LEPR: variants seen among roughly 807,000 people sequenced by gnomAD.
LEPR encodes the protein leptin receptor, also known as OB receptor.
LEPR carries 56 observed loss-of-function variants against 114.7 expected under a neutral mutation model. That is an observed-to-expected ratio of 0.49 (90% CI 0.39 to 0.61). LEPR has a LOEUF of 0.61. Ranked by LOEUF, LEPR falls within the 20% of genes least tolerant of loss-of-function variation. The pLI is 0.00. For synonymous variants in LEPR, 443 were observed against 461.4 expected (o/e 0.96, Z 0.51); for missense variants, 1,202 against 1,352.9 (o/e 0.89, Z 1.75).
intron 19 of LEPR, chr1:65,635,349 C>G: frequency 2.0e-6 from 2 of 984,324 alleles, no homozygotes; most frequent in Non-Finnish European, 2.4e-6. Flanking sequence ...GAGCTTTTTG[C>G]CCACAGATTC....
chr1:65,488,226 C>CTCTT lies in LEPR; in HGVS notation c.-21+62878_-21+62881dup, dbSNP rs71577203. Among the ~76,000 whole-genome samples, 141 of 67,910 alleles carry CTCTT rather than the reference C, an allele frequency of 2.1e-3. 12 individuals are homozygous for CTCTT. The highest frequency in any genetic ancestry group is 9.3e-3 in the African/African-American group (106 of 11,418). 44.6% of individuals were successfully genotyped at this position (67,910 alleles called of 152,430 possible). Reference sequence around the variant, plus strand: ...TTTCTTTCTTTCTCTCTCTCTCTCTCTCTTTCTTTCTTTCTTTCTTTCTTT... The same window carrying CTCTT: ...TTTCTTTCTTTCTCTCTCTCTCTCTCTCTTTCTTTCTTTCTTTCTTTCTTTCTTT... On this transcript the variant is annotated intron_variant, in intron 2 of 19. Coordinates refer to ENST00000349533, the MANE Select transcript of LEPR (RefSeq NM_002303.6).
chr1:65,434,098 C>G, intron 2 of LEPR: 1 of 984,878 alleles, frequency 1.0e-6, no homozygotes, highest in Non-Finnish European at 1.2e-6. Context: ...AGCATTACCT[C>G]TTGATTGTAT....
At chr1:65,603,004 C>A (rs552058573) in intron 10 of LEPR, among the ~76,000 whole-genome samples, 1 of 152,188 alleles carries the variant, frequency 6.6e-6, no homozygotes, top group African/African-American at 2.4e-5. Flanking sequence ...TGTTAAGCCC[C>A]ATGCCTTGTT....
intron 14 of LEPR, among the ~76,000 whole-genome samples, chr1:65,611,230 A>G (rs1413927298): frequency 2.0e-5 from 3 of 152,172 alleles, no homozygotes; most frequent in South Asian, 4.2e-4. Context: ...ACATTTTAAT[A>G]TTTCCAACTT....
intron 2 of LEPR, among the ~76,000 whole-genome samples, chr1:65,540,116 G>A (rs1193026782): frequency 6.6e-6 from 1 of 152,112 alleles, no homozygotes; most frequent in Non-Finnish European, 1.5e-5. Flanking sequence ...AATTACATAC[G>A]CAGATATTAC....
Position 65,583,242 on chromosome 1 carries a change from A to G in LEPR, c.495-9415A>G, listed in dbSNP as rs1013450328. Among the ~76,000 whole-genome samples, 23 of 152,298 alleles carry G rather than the reference A, an allele frequency of 1.5e-4. No homozygotes were observed. The East Asian group carries it at 4.2e-3, about 28-fold the overall frequency. ...AGAGTTCAGAGAGGGTAAGGGGCTC[A>G]AGTTCATGGGGCAGAGTACTTTGAA... On this transcript the variant is annotated intron_variant, in intron 5 of 19. Coordinates refer to ENST00000349533, the MANE Select transcript of LEPR (RefSeq NM_002303.6).
At chr1:65,616,759 C>T (rs545627812) in intron 15 of LEPR, among the ~76,000 whole-genome samples, 11 of 152,070 alleles carry the variant, frequency 7.2e-5, no homozygotes, top group East Asian at 3.9e-4. Context: ...TCTGATTAAT[C>T]GGAGAATTGA....
At chr1:65,572,555 TTA>T in intron 5 of LEPR, 106 bp downstream of exon 5, 1 of 1,151,730 alleles carries the variant, frequency 8.7e-7, no homozygotes. Context: ...ACATTTCCTA[TTA>T]TATGTTTTAT....
chr1:65,497,716 G>A (rs573015017), intron 2 of LEPR, among the ~76,000 whole-genome samples: 6 of 152,196 alleles, frequency 3.9e-5, no homozygotes, highest in African/African-American at 1.4e-4. Context: ...ACAGATTGTG[G>A]CATTTTCCTG....
intron 2 of LEPR, among the ~76,000 whole-genome samples, chr1:65,474,851 C>T (rs1342245496): frequency 6.6e-6 from 1 of 151,184 alleles, no homozygotes; most frequent in Non-Finnish European, 1.5e-5. Context: ...ATTAAAAATA[C>T]AAAAAATTAG....
intron 2 of LEPR, among the ~76,000 whole-genome samples, chr1:65,556,787 A>G (rs1240864495): frequency 6.6e-6 from 1 of 152,130 alleles, no homozygotes; most frequent in Non-Finnish European, 1.5e-5. Flanking sequence ...AGAGCAGTGG[A>G]TGACGAGTGG....
intron 2 of LEPR, among the ~76,000 whole-genome samples, chr1:65,442,445 A>G (rs759112843): frequency 2.6e-5 from 4 of 152,190 alleles, no homozygotes; most frequent in Non-Finnish European, 2.9e-5. Context: ...TGTATTGATT[A>G]ATATCTTTTG....
intron 2 of LEPR, among the ~76,000 whole-genome samples, chr1:65,545,934 GT>G: frequency 6.6e-6 from 1 of 151,838 alleles, no homozygotes; most frequent in East Asian, 1.9e-4. Flanking sequence ...GGTTTTTATG[GT>G]TTTAGGTCTA....
intron 2 of LEPR, among the ~76,000 whole-genome samples, chr1:65,428,857 T>C (rs968851944): frequency 2.6e-5 from 4 of 152,078 alleles, no homozygotes; most frequent in African/African-American, 9.7e-5. Context: ...TGCAAAATGT[T>C]GAAATTTGGG....
At chr1:65,591,346 T>C (rs1380978831) in intron 5 of LEPR, among the ~76,000 whole-genome samples, 1 of 152,146 alleles carries the variant, frequency 6.6e-6, no homozygotes, top group African/African-American at 2.4e-5. Flanking sequence ...GTTGATGCGT[T>C]GTTCACGTTT....
At chr1:65,500,911 T>G (rs1648416396) in intron 2 of LEPR, among the ~76,000 whole-genome samples, 1 of 152,154 alleles carries the variant, frequency 6.6e-6, no homozygotes, top group Non-Finnish European at 1.5e-5. Context: ...CTGAATACTT[T>G]GGACAGAAGT....
rs1048524019 is a variant in LEPR, at chr1:65,494,131, T to C, written c.-21+68753T>C. 3.9e-5 allele frequency: 6 copies of C among 152,262 alleles called. No homozygotes were observed. In the South Asian group the frequency reaches 8.3e-4, roughly 21 times the overall value. The allele number at this position is 152,262 out of a possible 1,614,324, so 9.4% of individuals were successfully genotyped here. The stretch of plus-strand genomic sequence containing the variant: ...CCAGGAACACATAATTGAAAGGAAA[T>C]TTCTGTACTGGCGTATTATTTTTTC... On this transcript the variant is annotated intron_variant, in intron 2 of 19. Coordinates refer to ENST00000349533, the MANE Select transcript of LEPR (RefSeq NM_002303.6).
intron 10 of LEPR, among the ~76,000 whole-genome samples, chr1:65,602,906 A>G (rs541863134): frequency 2.6e-5 from 4 of 152,278 alleles, no homozygotes; most frequent in African/African-American, 9.6e-5. Context: ...AGAATTGTTC[A>G]TGATATGAAA....
intron 2 of LEPR, among the ~76,000 whole-genome samples, chr1:65,517,981 AT>A (rs1213927860): frequency 2.6e-5 from 4 of 152,220 alleles, no homozygotes; most frequent in Non-Finnish European, 4.4e-5. Flanking sequence ...GTGAACTATA[AT>A]TCTTGCCTTC....
Sources: allele counts gnomAD v4.1 joint callset (sites outside exome capture counted in the v4.1 genomes callset), GRCh38; gene constraint gnomAD v4.1.1; transcripts MANE v1.5; gene names NCBI Gene and HGNC (gene_info 2026-07-23, HGNC 2026-07-21).